CACNA1C: variants seen among roughly 807,000 people sequenced by gnomAD.
CACNA1C encodes the protein voltage-dependent L-type calcium channel subunit alpha-1C.
CACNA1C carries 30 observed loss-of-function variants against 229.0 expected under a neutral mutation model. That is an observed-to-expected ratio of 0.13 (90% CI 0.10 to 0.18). The LOEUF is 0.18. Ranked by LOEUF, CACNA1C falls within the 10% of genes least tolerant of loss-of-function variation. CACNA1C has a pLI of 1.00. For missense variants in CACNA1C, 1,658 were observed against 2,845.0 expected (o/e 0.58, Z 9.49); for synonymous variants, 1,114 against 1,132.5 (o/e 0.98, Z 0.33).
At position 2,275,338 on chromosome 12, in the gene CACNA1C, C is replaced by T. The variant is rs1157894352; in HGVS notation, c.477+154908C>T. Among the ~76,000 whole-genome samples, 2 of 152,078 alleles carry T rather than the reference C, an allele frequency of 1.3e-5. No homozygotes were observed. The highest frequency in any genetic ancestry group is 2.4e-5 in the African/African-American group (1 of 41,412). On this transcript the variant is annotated intron_variant, in intron 3 of 46. Coordinates refer to ENST00000399655, the MANE Select transcript of CACNA1C (RefSeq NM_000719.7). This position sits in a 1 kb window ranked among gnomAD's most constrained non-coding sequence, Gnocchi z 4.1. ...TGTGTCTCTGCCTGTCTGTGGACCCCGACTCCTCACCATCACCCAACAGGG... is the reference window on the plus strand; with the variant it reads ...TGTGTCTCTGCCTGTCTGTGGACCCTGACTCCTCACCATCACCCAACAGGG...
chr12:2,052,991 C>G lies in CACNA1C; in HGVS notation c.-572C>G, dbSNP rs2052731169. 2.0e-6 allele frequency: 2 copies of G among 983,472 alleles called. No individual in the cohort carries two copies. The highest frequency in any genetic ancestry group is 4.7e-5 in the South Asian group (1 of 21,286). 60.9% of individuals were successfully genotyped at this position (983,472 alleles called of 1,614,324 possible). On this transcript the variant is annotated 5_prime_UTR_variant, in exon 1 of 47. Transcript: ENST00000399655. ...CGGCGCTCTCGCGCGCCCGGTGTCT[C>G]CCTCTCGCTGCCTCTGCAGAAACAG...
intron 3 of CACNA1C, among the ~76,000 whole-genome samples, chr12:2,412,106 C>T (rs1449172399): frequency 1.3e-5 from 2 of 152,060 alleles, no homozygotes; most frequent in East Asian, 2.0e-4. Context: ...GCCCTTAGCT[C>T]GTTACCCCTG....
intron 1 of CACNA1C, among the ~76,000 whole-genome samples, chr12:2,057,760 A>G (rs1454880241): frequency 6.6e-6 from 1 of 151,844 alleles, no homozygotes; most frequent in Non-Finnish European, 1.5e-5. Flanking sequence ...TGAACTTGGT[A>G]TGGCCAGATG....
intron 1 of CACNA1C, among the ~76,000 whole-genome samples, chr12:2,041,661 A>G (rs890021277): frequency 9.2e-5 from 14 of 152,352 alleles, no homozygotes; most frequent in African/African-American, 3.4e-4. Flanking sequence ...AGAAGACTAC[A>G]AACCCCAAGA....
chr12:2,506,244 G>A (rs1360658570), intron 8 of CACNA1C, among the ~76,000 whole-genome samples: 2 of 152,186 alleles, frequency 1.3e-5, no homozygotes, highest in African/African-American at 4.8e-5. Context: ...TTGCCTGGAA[G>A]GTAGAGAGGT....
At chr12:2,093,968 T>G (rs2072635727) in intron 1 of CACNA1C, among the ~76,000 whole-genome samples, 1 of 152,216 alleles carries the variant, frequency 6.6e-6, no homozygotes, top group Non-Finnish European at 1.5e-5. Context: ...ACATCCCATT[T>G]TCCCCAGTAA....
intron 3 of CACNA1C, among the ~76,000 whole-genome samples, chr12:2,202,161 G>A (rs191764374): frequency 1.1e-4 from 17 of 152,324 alleles, no homozygotes; most frequent in Admixed American, 2.0e-4. Context: ...TGATAAATTG[G>A]ATTGACTTAG....
chr12:2,654,503 A>G lies in CACNA1C; in HGVS notation c.4140+603A>G, dbSNP rs907078626. ...GTCTTGGGGCTCCAGCTTGAGTCCCAAGGCCAAACTTGGCAGGGCGCCCAC... is the reference window on the plus strand; with the variant it reads ...GTCTTGGGGCTCCAGCTTGAGTCCCGAGGCCAAACTTGGCAGGGCGCCCAC... On this transcript the variant is annotated intron_variant, in intron 33 of 46. Transcript: ENST00000399655. This position sits in a 1 kb window ranked among gnomAD's most constrained non-coding sequence, Gnocchi z 4.4. 3.9e-5 allele frequency among the ~76,000 whole-genome samples: 6 copies of G among 152,192 alleles called. No homozygotes were observed. Among genetic ancestry groups the G allele is most frequent in the African/African-American group, 1.2e-4 (5 of 41,464 alleles).
chr12:2,425,100 G>A (rs2099016626), intron 3 of CACNA1C, among the ~76,000 whole-genome samples: 1 of 152,376 alleles, frequency 6.6e-6, no homozygotes, highest in Non-Finnish European at 1.5e-5. Context: ...GGGAGGGATA[G>A]GCCCGGAATC....
At chr12:2,367,363 C>T (rs963091793) in intron 3 of CACNA1C, among the ~76,000 whole-genome samples, 2 of 152,188 alleles carry the variant, frequency 1.3e-5, no homozygotes, top group Admixed American at 6.5e-5. Context: ...ACCGGTCCGC[C>T]ATTGTGGGGA....
At chr12:2,441,476 T>G (rs1390665475) in intron 3 of CACNA1C, among the ~76,000 whole-genome samples, 1 of 152,218 alleles carries the variant, frequency 6.6e-6, no homozygotes, top group East Asian at 1.9e-4. Flanking sequence ...CTCTTTGTAT[T>G]CATGGTGATC....
intron 3 of CACNA1C, among the ~76,000 whole-genome samples, chr12:2,236,823 G>A (rs975489715): frequency 4.6e-5 from 7 of 152,112 alleles, no homozygotes; most frequent in Non-Finnish European, 8.8e-5. Context: ...GTGGTGCCGG[G>A]CCCACACTAG....
intron 9 of CACNA1C, among the ~76,000 whole-genome samples, chr12:2,548,164 C>G (rs1169357960): frequency 2.0e-5 from 3 of 152,126 alleles, no homozygotes; most frequent in Non-Finnish European, 2.9e-5. Flanking sequence ...GTGGTTTGAG[C>G]AAAGCCCCTG....
chr12:2,376,269 C>T (rs1567320758), intron 3 of CACNA1C, among the ~76,000 whole-genome samples: 1 of 152,182 alleles, frequency 6.6e-6, no homozygotes, highest in East Asian at 1.9e-4. Context: ...TTGTGACCTC[C>T]TGTGTGGCTT....
chr12:2,053,241 T>C lies in CACNA1C; in HGVS notation c.-322T>C. On this transcript the variant is annotated 5_prime_UTR_variant, in exon 1 of 47. Transcript: ENST00000399655. This position sits in a 1 kb window ranked among gnomAD's most constrained non-coding sequence, Gnocchi z 5.8. ...CCTCTCCGCCTCTTCTCGCCCTGCC[T>C]CTCCCGATTTATTTTTTCAAATGGT... The C allele has an allele frequency of 9.6e-7, 1 of 1,041,986 alleles. No individual in the cohort carries two copies. The allele number at this position is 1,041,986 out of a possible 1,614,324, so 64.5% of individuals were successfully genotyped here.
At chr12:2,557,888 A>T (rs529584549) in intron 11 of CACNA1C, among the ~76,000 whole-genome samples, 1 of 152,340 alleles carries the variant, frequency 6.6e-6, no homozygotes, top group South Asian at 2.1e-4. Context: ...TCCAGTGGTG[A>T]ACGTCCATAC....
At chr12:2,584,393 A>G (rs902297634) in intron 15 of CACNA1C, 110 bp from the exon 16 acceptor site, 1 of 715,030 alleles carries the variant, frequency 1.4e-6, no homozygotes. Flanking sequence ...TTCCCCCTCA[A>G]GCTCTCTCTG....
intron 3 of CACNA1C, among the ~76,000 whole-genome samples, chr12:2,157,641 C>G (rs1056040705): frequency 6.6e-6 from 1 of 152,220 alleles, no homozygotes; most frequent in Non-Finnish European, 1.5e-5. Context: ...GGCCTTAGAG[C>G]AAAGCCTAGT....
chr12:2,376,188 GT>G (rs1380208150), intron 3 of CACNA1C, among the ~76,000 whole-genome samples: 1 of 152,192 alleles, frequency 6.6e-6, no homozygotes, highest in Non-Finnish European at 1.5e-5. Flanking sequence ...GAAGTGGTCT[GT>G]TTTTGCCATT....
Sources: gnomAD v4.1 joint callset for allele counts (sites outside exome capture counted in the v4.1 genomes callset) on GRCh38, gnomAD v4.1.1 for gene constraint, Gnocchi (gnomAD v3.1) non-coding constraint, MANE v1.5 for transcripts, NCBI Gene and HGNC (gene_info 2026-07-23, HGNC 2026-07-21) for gene names.